The following PCDHA2 variants were observed in gnomAD, a reference collection of about 807,000 sequenced individuals.
PCDHA2 encodes protocadherin alpha 2, also known as protocadherin alpha-2.
In PCDHA2, 58 loss-of-function variants were observed where a neutral mutation model predicts 66.0. That is an observed-to-expected ratio of 0.88 (90% confidence interval 0.71 to 1.09). The LOEUF is 1.09. PCDHA2 is among the 50% of genes least tolerant of loss of function. PCDHA2 has a pLI of 0.00. For missense variants in PCDHA2, 1,267 were observed against 1,242.3 expected, an observed-to-expected ratio of 1.02 and a Z score of -0.30; for synonymous variants, 634 against 554.0, an observed-to-expected ratio of 1.14 and a Z score of -2.03.
intron 1 of PCDHA2, chr5:140,868,109 A>G (rs1371639409): frequency 6.6e-6 from 1 of 152,124 alleles, no homozygotes; most frequent in Non-Finnish European, 1.5e-5. Flanking sequence ...AATTTATTTT[A>G]TAGTTGAAAA....
intron 1 of PCDHA2, chr5:140,850,119 G>A: frequency 1.3e-6 from 2 of 1,596,076 alleles, no homozygotes; most frequent in East Asian, 2.2e-5. Flanking sequence ...CGACGCGGGC[G>A]TGCCGCCTCT....
At chr5:140,851,405 GAAAGAAA>G in intron 1 of PCDHA2, 2 of 966,032 alleles carry the variant, frequency 2.1e-6, no homozygotes, top group Non-Finnish European at 2.5e-6. Context: ...ATTTTAATAA[GAAAGAAA>G]CTTCCCCTAA....
chr5:141,010,360 C>T lies in PCDHA2; in HGVS notation c.*423C>T, dbSNP rs1436094767. 22 of 1,488,936 alleles carry T rather than the reference C, an allele frequency of 1.5e-5. No individual in the cohort carries two copies. Among genetic ancestry groups the T allele is most frequent in the Non-Finnish European group, 1.9e-5 (21 of 1,118,260 alleles). The allele number at this position is 1,488,936 out of a possible 1,614,324, so 92.2% of individuals were successfully genotyped here. ...GGCCACTGGGTATGTGTGGCTACCG[C>T]GGGTATGCGAGTGCCAGATATTGGC... On this transcript the variant is annotated 3_prime_UTR_variant, in exon 4 of 4. Coordinates refer to ENST00000526136, the MANE Select transcript of PCDHA2 (RefSeq NM_018905.3).
At chr5:140,836,793 TCTC>T in intron 1 of PCDHA2, 5 of 1,403,902 alleles carry the variant, frequency 3.6e-6, no homozygotes, top group Non-Finnish European at 4.9e-6. Context: ...GTTCAATTGG[TCTC>T]CTTAAATTTT....
intron 1 of PCDHA2, among the ~76,000 whole-genome samples, chr5:140,900,724 C>T (rs552317505): frequency 2.0e-5 from 3 of 152,296 alleles, no homozygotes; most frequent in Admixed American, 1.3e-4. Flanking sequence ...GAAATCCTAC[C>T]TAGCAGTGGG....
At chr5:140,956,754 C>T (rs1470553559) in intron 1 of PCDHA2, among the ~76,000 whole-genome samples, 5 of 152,140 alleles carry the variant, frequency 3.3e-5, no homozygotes, top group African/African-American at 1.2e-4. Flanking sequence ...TGATAGAATT[C>T]AGCTGTAAAT....
chr5:140,977,084 A>C lies in PCDHA2; in HGVS notation c.2389-1865A>C, dbSNP rs545652987. On this transcript the variant is annotated intron_variant, in intron 1 of 3. Coordinates refer to ENST00000526136, the MANE Select transcript of PCDHA2 (RefSeq NM_018905.3). ...TAGAAAATAGCAGCATGACAAATTA[A>C]ATGTGTCATTGGGGAAGTGAGATTG... is the stretch of plus-strand genomic sequence containing the variant. 2.0e-5 allele frequency among the ~76,000 whole-genome samples: 3 copies of C among 152,336 alleles called. No individual in the cohort carries two copies. The East Asian group carries it at 5.8e-4, about 29-fold the overall frequency.
intron 1 of PCDHA2, chr5:140,803,246 C>A: frequency 1.9e-6 from 3 of 1,613,836 alleles, no homozygotes; most frequent in Non-Finnish European, 2.5e-6. Flanking sequence ...CCCAGGCGTC[C>A]GCTGGCGCCA....
At chr5:140,841,682 G>T (rs2150320729) in intron 1 of PCDHA2, 21 of 1,613,844 alleles carry the variant, frequency 1.3e-5, no homozygotes, top group South Asian at 5.5e-5. Context: ...CCATGTGGAC[G>T]TGGAGGTGAA....
In PCDHA2 at chr5:140,796,698, T is replaced by A. The variant is rs1554120057; in HGVS notation, c.1734T>A (p.Ser578Arg). 1.2e-6 allele frequency: 2 copies of A among 1,613,802 alleles called. No homozygotes were observed. Among genetic ancestry groups the A allele is most frequent in the African/African-American group, 2.7e-5 (2 of 74,924 alleles). The change falls in exon 1 of 4, where the codon AGT becomes AGA. Residue 578 changes from serine to arginine, a missense_variant. By Grantham distance (110) the Ser-to-Arg change is moderately radical. Transcript: ENST00000526136. ...PRAGTAAGAVSELVPWSVGAG... is the reference protein window; with the variant it reads ...PRAGTAAGAVRELVPWSVGAG... ...CTGGCACCGCTGCTGGCGCAGTGAGTGAGCTGGTGCCGTGGTCGGTGGGTG... is the reference window on the plus strand; with the variant it reads ...CTGGCACCGCTGCTGGCGCAGTGAGAGAGCTGGTGCCGTGGTCGGTGGGTG...
At chr5:140,995,689 T>A (rs528829345) in intron 3 of PCDHA2, among the ~76,000 whole-genome samples, 33 of 152,250 alleles carry the variant, frequency 2.2e-4, no homozygotes, top group Admixed American at 6.5e-4. Flanking sequence ...TTTTAATTGT[T>A]AAATAAAGGG....
intron 2 of PCDHA2, 91 bp from the exon 3 acceptor site, chr5:140,982,384 C>T (rs1245752901): frequency 6.3e-7 from 1 of 1,584,990 alleles, no homozygotes; most frequent in African/African-American, 1.3e-5. Context: ...GCAGCCCTGG[C>T]TTCATAGTTG....
intron 1 of PCDHA2, among the ~76,000 whole-genome samples, chr5:140,945,559 A>T (rs1365534966): frequency 6.6e-6 from 1 of 152,096 alleles, no homozygotes; most frequent in Non-Finnish European, 1.5e-5. Flanking sequence ...GAAGCTGAAG[A>T]CATCATACTA....
chr5:140,863,782 C>T (rs570936581), intron 1 of PCDHA2: 24 of 228,258 alleles, frequency 1.1e-4, no homozygotes, highest in Non-Finnish European at 1.2e-4. Flanking sequence ...GCGGATCACT[C>T]GAGGCCAGGA....
At chr5:140,928,304 AC>A (rs782506310) in intron 1 of PCDHA2, 98 of 1,613,908 alleles carry the variant, frequency 6.1e-5, no homozygotes, top group Non-Finnish European at 7.9e-5. Flanking sequence ...TTTGCCCAGG[AC>A]CCCGACCTGG....
chr5:140,841,405 C>T (rs2150314710), intron 1 of PCDHA2: 41 of 1,612,992 alleles, frequency 2.5e-5, no homozygotes, highest in Non-Finnish European at 3.4e-5. Flanking sequence ...AGGTGGGGAG[C>T]GGCCAGCTCC....
chr5:140,871,223 C>G (rs1009797322), intron 1 of PCDHA2: 6 of 1,613,892 alleles, frequency 3.7e-6, no homozygotes, highest in Non-Finnish European at 3.4e-6. Context: ...TGCGTGGTGT[C>G]CAGCCTCCTG....
intron 1 of PCDHA2, chr5:140,863,374 A>C: frequency 5.3e-5 from 60 of 1,135,154 alleles, no homozygotes; most frequent in Non-Finnish European, 7.5e-5. Flanking sequence ...GGCGCAGCTC[A>C]CCGAGAGCTC....
At chr5:140,883,296 TA>T (rs1389927639) in intron 1 of PCDHA2, 1 of 1,613,994 alleles carries the variant, frequency 6.2e-7, no homozygotes, top group African/African-American at 1.3e-5. Flanking sequence ...GTACTAGATG[TA>T]AATGATAACG....
Sources: gnomAD v4.1 joint callset for allele counts (sites outside exome capture counted in the v4.1 genomes callset) on GRCh38, gnomAD v4.1.1 for gene constraint, MANE v1.5 for transcripts, NCBI Gene and HGNC (gene_info 2026-07-23, HGNC 2026-07-21) for gene names.